POLR1E: variants seen among roughly 807,000 people sequenced by gnomAD.
POLR1E encodes DNA-directed RNA polymerase I subunit RPA49.
In POLR1E, 37 loss-of-function variants were observed where a neutral mutation model predicts 50.9. The observed-to-expected ratio is 0.73, with a 90% CI of 0.56 to 0.96. POLR1E has a LOEUF of 0.96. POLR1E is among the 40% of genes least tolerant of loss of function. POLR1E has a pLI of 0.00. For missense variants in POLR1E, 426 were observed against 518.1 expected, an observed-to-expected ratio of 0.82 and a Z score of 1.73; for synonymous variants, 166 against 191.6, an observed-to-expected ratio of 0.87 and a Z score of 1.10.
intron 8 of POLR1E, among the ~76,000 whole-genome samples, chr9:37,496,894 C>T (rs1820795860): frequency 6.6e-6 from 1 of 152,044 alleles, no homozygotes; most frequent in Non-Finnish European, 1.5e-5. Flanking sequence ...TAGAGCAGTG[C>T]CTGAAAATAA....
chr9:37,492,882 T>C (rs1268280846), intron 5 of POLR1E, among the ~76,000 whole-genome samples, 167 bp downstream of exon 5: 1 of 152,220 alleles, frequency 6.6e-6, no homozygotes, highest in Non-Finnish European at 1.5e-5. Flanking sequence ...GAAGCCTCCT[T>C]GGTCCCACAG....
intron 11 of POLR1E, among the ~76,000 whole-genome samples, 185 bp from the exon 12 acceptor site, chr9:37,502,858 C>T (rs1820913900): frequency 6.6e-6 from 1 of 152,204 alleles, no homozygotes; most frequent in African/African-American, 2.4e-5. Context: ...AATTGGCTGT[C>T]TGATGGTTCC....
intron 11 of POLR1E, 92 bp from the exon 12 acceptor site, chr9:37,502,951 T>C: frequency 1.5e-6 from 2 of 1,325,804 alleles, no homozygotes; most frequent in East Asian, 2.5e-5. Flanking sequence ...CTTTATGGCC[T>C]GGAGCATGAA....
intron 9 of POLR1E, among the ~76,000 whole-genome samples, chr9:37,498,542 A>C (rs896305068): frequency 6.6e-6 from 1 of 152,228 alleles, no homozygotes; most frequent in African/African-American, 2.4e-5. Flanking sequence ...ATAAAAGGAA[A>C]ACTTTAAGGG....
chr9:37,498,274 G>A, intron 9 of POLR1E, 50 bp downstream of exon 9: 1 of 1,561,984 alleles, frequency 6.4e-7, no homozygotes, highest in Non-Finnish European at 8.8e-7. Flanking sequence ...TATATTATTT[G>A]TCTGTAATTC....
At chr9:37,491,406 C>T (rs1167010444) in intron 4 of POLR1E, among the ~76,000 whole-genome samples, 1 of 152,034 alleles carries the variant, frequency 6.6e-6, no homozygotes, top group African/African-American at 2.4e-5. Flanking sequence ...TTCTGAGAAA[C>T]ATATATGATA....
chr9:37,489,235 C>CAAAAAA, intron 3 of POLR1E, 80 bp from the exon 4 acceptor site: 6 of 923,346 alleles, frequency 6.5e-6, no homozygotes, highest in South Asian at 1.7e-5. Context: ...GACTCTGTCT[C>CAAAAAA]AAAAAAAAAA....
At chr9:37,502,908 C>G in intron 11 of POLR1E, 135 bp from the exon 12 acceptor site, 2 of 932,122 alleles carry the variant, frequency 2.1e-6, no homozygotes, top group Non-Finnish European at 3.2e-6. Context: ...CTGCCAGGGG[C>G]TTTGTGCCTG....
At position 37,503,225 on chromosome 9, in the gene POLR1E, G is replaced by T. The variant is rs772689490; in HGVS notation, c.*23G>T. On this transcript the variant is annotated 3_prime_UTR_variant, in exon 12 of 12. Transcript: ENST00000377798. ...TAGACGCATGCTTTCCAGACAGGGC[G>T]TTTTGGCTGCATCACAGCCACTGGC... The T allele has an allele frequency of 1.3e-6, 2 of 1,574,716 alleles. No homozygotes were observed. Among genetic ancestry groups the T allele is most frequent in the Non-Finnish European group, 1.7e-6 (2 of 1,162,190 alleles).
At chr9:37,491,689 C>T (rs1025361951) in intron 4 of POLR1E, among the ~76,000 whole-genome samples, 4 of 152,062 alleles carry the variant, frequency 2.6e-5, no homozygotes, top group East Asian at 1.9e-4. Context: ...GTCTCAAACT[C>T]GTGGCCTCAA....
At chr9:37,490,537 C>G in intron 4 of POLR1E, 1 of 753,292 alleles carries the variant, frequency 1.3e-6, no homozygotes, top group South Asian at 1.4e-5. Context: ...ACCCAGGTAC[C>G]TTTCTCTTTT....
Position 37,496,880 on chromosome 9 carries a change from G to A in POLR1E, c.752+894G>A, listed in dbSNP as rs116381015. On this transcript the variant is annotated intron_variant, in intron 8 of 11. Coordinates refer to ENST00000377798, the MANE Select transcript of POLR1E (RefSeq NM_022490.4). ...TCTCTGTGAGTCCAGGGTCTTGCTA[G>A]CAGTAGAGCAGTGCCTGAAAATAAT... Among the ~76,000 whole-genome samples, 630 of 152,206 alleles carry A rather than the reference G, an allele frequency of 4.1e-3. 6 individuals are homozygous for A. The highest frequency in any genetic ancestry group is 0.014 in the African/African-American group (587 of 41,522).
chr9:37,487,670 C>T (rs2296774), intron 2 of POLR1E, among the ~76,000 whole-genome samples, 193 bp from the exon 3 acceptor site: 10,453 of 152,230 alleles, frequency 0.069, 463 homozygotes, highest in Middle Eastern at 0.13. Flanking sequence ...TTCCAGAAGT[C>T]GTCTTGCTTC....
intron 6 of POLR1E, 118 bp from the exon 7 acceptor site, chr9:37,495,051 G>A: frequency 2.4e-6 from 2 of 829,526 alleles, no homozygotes; most frequent in Non-Finnish European, 4.0e-6. Context: ...CACTTTGGCA[G>A]AAGCATTTAG....
intron 9 of POLR1E, 45 bp from the exon 10 acceptor site, chr9:37,500,795 T>C: frequency 6.7e-7 from 1 of 1,496,010 alleles, no homozygotes; most frequent in South Asian, 1.1e-5. Flanking sequence ...AGGTGTGGCC[T>C]GAGGGTTTTG....
At chr9:37,500,967 G>A (rs769576906) in intron 10 of POLR1E, 46 bp downstream of exon 10, 2 of 1,535,826 alleles carry the variant, frequency 1.3e-6, no homozygotes, top group African/African-American at 1.4e-5. Flanking sequence ...GAGAAAGTAG[G>A]TGGGGGTTGG....
At chr9:37,486,331 G>C in intron 1 of POLR1E, 3 of 1,356,322 alleles carry the variant, frequency 2.2e-6, no homozygotes, top group Non-Finnish European at 2.9e-6. Flanking sequence ...CCACTCACCC[G>C]CTCCCCAGAG....
intron 9 of POLR1E, among the ~76,000 whole-genome samples, chr9:37,500,624 C>G (rs1820869196): frequency 6.6e-6 from 1 of 152,226 alleles, no homozygotes; most frequent in Admixed American, 6.5e-5. Flanking sequence ...TGCCCCATCA[C>G]CAGCATCTCT....
intron 4 of POLR1E, among the ~76,000 whole-genome samples, chr9:37,492,057 A>G (rs1820695583): frequency 1.3e-5 from 2 of 152,062 alleles, no homozygotes; most frequent in African/African-American, 4.8e-5. Context: ...TTCCATGCAT[A>G]TACCAACCTT....
Sources: allele counts gnomAD v4.1 joint callset (sites outside exome capture counted in the v4.1 genomes callset), GRCh38; gene constraint gnomAD v4.1.1; transcripts MANE v1.5; gene names NCBI Gene and HGNC (gene_info 2026-07-23, HGNC 2026-07-21).